The following HECTD2 variants were observed in gnomAD, a reference collection of about 807,000 sequenced individuals.
HECTD2 encodes the protein HECT domain E3 ubiquitin protein ligase 2.
HECTD2 carries 35 observed loss-of-function variants against 103.2 expected under a neutral mutation model. The ratio of observed to expected loss-of-function variants is 0.34; its 90% CI spans 0.26 to 0.45. The LOEUF (loss-of-function observed/expected upper bound fraction) is 0.45. HECTD2 is among the 20% of genes least tolerant of loss of function. HECTD2 has a pLI of 1.00. For missense variants in HECTD2, 596 were observed against 937.4 expected (o/e 0.64, Z 4.76); for synonymous variants, 281 against 329.9 (o/e 0.85, Z 1.61).
At chr10:91,410,671 C>T in intron 1 of HECTD2, 95 bp downstream of exon 1, 1 of 1,173,000 alleles carries the variant, frequency 8.5e-7, no homozygotes, top group Non-Finnish European at 1.1e-6. Flanking sequence ...TGCGTTTACC[C>T]TGGGCACGCC....
At chr10:91,449,578 T>C (rs1396962517) in intron 2 of HECTD2, among the ~76,000 whole-genome samples, 2 of 152,066 alleles carry the variant, frequency 1.3e-5, no homozygotes, top group Admixed American at 1.3e-4. Context: ...AAAGGACATT[T>C]AAATAGGAAG....
At chr10:91,462,813 C>G (rs1845402280) in intron 5 of HECTD2, 1 of 968,230 alleles carries the variant, frequency 1.0e-6, no homozygotes, top group Admixed American at 6.2e-5. Flanking sequence ...TGCTATAGAT[C>G]AATTTGTGAA....
At chr10:91,462,271 A>G in intron 5 of HECTD2, 87 bp downstream of exon 5, 1 of 1,336,276 alleles carries the variant, frequency 7.5e-7, no homozygotes, top group Admixed American at 2.7e-5. Context: ...AAATCACCTT[A>G]TAATTACCTT....
intron 6 of HECTD2, among the ~76,000 whole-genome samples, chr10:91,480,506 T>C (rs1296915448): frequency 6.6e-6 from 1 of 151,936 alleles, no homozygotes; most frequent in South Asian, 2.1e-4. Context: ...TGTGAGAATG[T>C]ACCAAATAGA....
At chr10:91,417,374 C>CT (rs150503265) in intron 1 of HECTD2, among the ~76,000 whole-genome samples, 27 of 150,518 alleles carry the variant, frequency 1.8e-4, no homozygotes, top group South Asian at 8.4e-4. Flanking sequence ...TTACTTTTTT[C>CT]TTTTTTTTTA....
chr10:91,478,345 G>GTTAGACATCTATACTGATTAGCTAAA, intron 6 of HECTD2, 80 bp downstream of exon 6: 1 of 838,050 alleles, frequency 1.2e-6, no homozygotes, highest in Non-Finnish European at 2.0e-6. Flanking sequence ...ACATGTGTAT[G>GTTAGACATCTATACTGATTAGCTAAA]TATTTTACTC....
rs1173737159 is a variant in HECTD2 at position 91,462,043 on chromosome 10, A to G, written c.511-52A>G. On this transcript the variant is annotated intron_variant, in intron 4 of 20. Transcript: ENST00000298068. ...GAATAGTATGGTTCAAATTTTACTA[A>G]GAATAGTCTTTAAAATGTTGAATAT... 2.3e-6 allele frequency: 3 copies of G among 1,322,078 alleles called. No individual in the cohort carries two copies. In the African/African-American group the frequency reaches 4.5e-5, roughly 20 times the overall value. 81.9% of individuals were successfully genotyped at this position (1,322,078 alleles called of 1,614,324 possible).
In HECTD2 at chr10:91,485,212, A is replaced by T. The variant is rs1846224304; in HGVS notation, c.1003A>T (p.Ile335Phe). Residue 335 changes from isoleucine (I) to phenylalanine (F), a missense_variant, in exon 10 of 21, where the codon ATT (isoleucine) becomes TTT (phenylalanine). Physicochemically the swap from Ile to Phe is conservative, Grantham distance 21. Transcript: ENST00000298068. ...AAACAATTTAGTTCACCCTCCCCTT[A>T]TTCCTTATACTGATTTCTATAATTC... ...TANNLVHPPL[I>F]PYTDFYNSTL... is the part of the protein sequence containing the mutation. 6.4e-7 allele frequency: 1 copy of T among 1,570,960 alleles called. No individual in the cohort carries two copies. The highest frequency in any genetic ancestry group is 1.4e-5 in the African/African-American group (1 of 73,068).
At chr10:91,493,633 C>A in intron 14 of HECTD2, 125 bp downstream of exon 14, 1 of 525,390 alleles carries the variant, frequency 1.9e-6, no homozygotes, top group Non-Finnish European at 3.3e-6. Context: ...GTCAAATGTA[C>A]TATTAGATTT....
intron 2 of HECTD2, among the ~76,000 whole-genome samples, chr10:91,449,821 G>C (rs1392512479): frequency 7.0e-6 from 1 of 143,450 alleles, no homozygotes; most frequent in South Asian, 2.1e-4. Context: ...AACTTACAAA[G>C]TATGTGAAGG....
At chr10:91,483,706 AC>A (rs1846172446) in intron 8 of HECTD2, among the ~76,000 whole-genome samples, 1 of 151,942 alleles carries the variant, frequency 6.6e-6, no homozygotes, top group Non-Finnish European at 1.5e-5. Context: ...TAAATACAGA[AC>A]CATTGCTTCA....
intron 2 of HECTD2, among the ~76,000 whole-genome samples, chr10:91,426,722 A>G (rs1331316786): frequency 6.6e-6 from 1 of 151,722 alleles, no homozygotes; most frequent in African/African-American, 2.4e-5. Flanking sequence ...TCGTATGCCT[A>G]CAAGTTTTTG....
At chr10:91,424,228 C>T (rs761860123) in intron 1 of HECTD2, among the ~76,000 whole-genome samples, 3 of 152,070 alleles carry the variant, frequency 2.0e-5, no homozygotes, top group South Asian at 2.1e-4. Context: ...AAATGACAGA[C>T]GTCTTTTCCA....
At chr10:91,490,527 G>A (rs187827472) in intron 11 of HECTD2, among the ~76,000 whole-genome samples, 6 of 152,158 alleles carry the variant, frequency 3.9e-5, no homozygotes, top group African/African-American at 1.4e-4. Context: ...TTATCATCAG[G>A]AATATATACC....
intron 2 of HECTD2, among the ~76,000 whole-genome samples, chr10:91,443,847 A>C (rs1450640263): frequency 6.6e-6 from 1 of 152,214 alleles, no homozygotes; most frequent in East Asian, 1.9e-4. Context: ...TCAGTGTTAC[A>C]ATTTTATATC....
At chr10:91,429,486 T>C (rs1452309031) in intron 2 of HECTD2, among the ~76,000 whole-genome samples, 23 of 152,136 alleles carry the variant, frequency 1.5e-4, no homozygotes, top group South Asian at 6.2e-4. Flanking sequence ...TGGTAGAATT[T>C]GGCTGTGAAT....
At chr10:91,490,531 A>G (rs1453491319) in intron 11 of HECTD2, among the ~76,000 whole-genome samples, 1 of 152,202 alleles carries the variant, frequency 6.6e-6, no homozygotes, top group Non-Finnish European at 1.5e-5. Context: ...CATCAGGAAT[A>G]TATACCTTGT....
chr10:91,427,732 T>A (rs1356000196), intron 2 of HECTD2, among the ~76,000 whole-genome samples: 1 of 152,196 alleles, frequency 6.6e-6, no homozygotes, highest in Non-Finnish European at 1.5e-5. Flanking sequence ...GAGTTCATTG[T>A]AGATTCTGGA....
intron 5 of HECTD2, among the ~76,000 whole-genome samples, chr10:91,465,716 CGAT>C (rs1267277539): frequency 6.6e-6 from 1 of 151,888 alleles, no homozygotes; most frequent in Non-Finnish European, 1.5e-5. Context: ...TTTAGCTTGT[CGAT>C]GTGATGAATT....
Sources: allele counts gnomAD v4.1 joint callset (sites outside exome capture counted in the v4.1 genomes callset), GRCh38; gene constraint gnomAD v4.1.1; transcripts MANE v1.5; gene names NCBI Gene and HGNC (gene_info 2026-07-23, HGNC 2026-07-21).